The following MEF2A variants were observed in gnomAD, a reference collection of about 807,000 sequenced individuals.
MEF2A encodes myocyte-specific enhancer factor 2A.
MEF2A carries 28 observed loss-of-function variants against 55.8 expected under a neutral mutation model. The ratio of observed to expected loss-of-function variants is 0.50; its 90% CI spans 0.37 to 0.69. The LOEUF is 0.69. Ranked by LOEUF, MEF2A falls within the 30% of genes least tolerant of loss-of-function variation. The probability of loss-of-function intolerance (pLI) is 0.00; values close to 1 mark genes in which losing one functional copy is unlikely to be tolerated. For synonymous variants in MEF2A, 239 were observed against 227.1 expected (o/e 1.05, Z -0.47); for missense variants, 528 against 626.2 (o/e 0.84, Z 1.67).
chr15:99,683,590 A>G (rs553162361), intron 7 of MEF2A, among the ~76,000 whole-genome samples: 2 of 150,592 alleles, frequency 1.3e-5, no homozygotes, highest in East Asian at 3.9e-4. Context: ...ATTTTTTTTT[A>G]GTGGGGTTTC....
chr15:99,629,468 G>A (rs2042582630), intron 2 of MEF2A, among the ~76,000 whole-genome samples: 1 of 152,118 alleles, frequency 6.6e-6, no homozygotes, highest in South Asian at 2.1e-4. Flanking sequence ...AATCCCGGTT[G>A]GCTAAACATT....
At chr15:99,661,255 A>G (rs1383252434) in intron 4 of MEF2A, among the ~76,000 whole-genome samples, 1 of 152,168 alleles carries the variant, frequency 6.6e-6, no homozygotes, top group Non-Finnish European at 1.5e-5. Context: ...AAAAGGCAAA[A>G]TTATAAAGCT....
intron 2 of MEF2A, among the ~76,000 whole-genome samples, chr15:99,603,165 T>A (rs1209409926): frequency 6.6e-6 from 1 of 152,134 alleles, no homozygotes; most frequent in Non-Finnish European, 1.5e-5. Context: ...TTACATGGAG[T>A]TCAGAGTATT....
chr15:99,624,063 C>T (rs1242062464), intron 2 of MEF2A, among the ~76,000 whole-genome samples: 1 of 152,188 alleles, frequency 6.6e-6, no homozygotes, highest in African/African-American at 2.4e-5. Flanking sequence ...ACCTCGACCT[C>T]CCAAAGCGTT....
At chr15:99,667,290 C>G (rs543848454) in intron 4 of MEF2A, among the ~76,000 whole-genome samples, 1 of 152,160 alleles carries the variant, frequency 6.6e-6, no homozygotes, top group South Asian at 2.1e-4. Context: ...GGCACGATCT[C>G]GCTCACTGCA....
At chr15:99,646,804 G>A (rs2046037071) in intron 4 of MEF2A, among the ~76,000 whole-genome samples, 1 of 151,846 alleles carries the variant, frequency 6.6e-6, no homozygotes, top group African/African-American at 2.4e-5. Flanking sequence ...CCCTCTTCAG[G>A]CAGTGATTGA....
Position 99,593,793 on chromosome 15 carries a change from G to A in MEF2A, c.-224-4637G>A, listed in dbSNP as rs573185931. Reference sequence around the variant, plus strand: ...ATTGGAAGCTGAGTTAAGTTGTACCGTGGTATAAAACATGATATTCAACAT... The same window carrying A: ...ATTGGAAGCTGAGTTAAGTTGTACCATGGTATAAAACATGATATTCAACAT... On this transcript the variant is annotated intron_variant, in intron 1 of 11. Coordinates refer to ENST00000557942, the MANE Select transcript of MEF2A (RefSeq NM_001319206.4). 2.1e-4 allele frequency among the ~76,000 whole-genome samples: 32 copies of A among 152,226 alleles called. No individual in the cohort carries two copies. The South Asian group carries it at 3.1e-3, about 15-fold the overall frequency.
intron 8 of MEF2A, among the ~76,000 whole-genome samples, chr15:99,691,210 G>A (rs187079705): frequency 9.9e-5 from 15 of 151,606 alleles, no homozygotes; most frequent in African/African-American, 3.6e-4. Flanking sequence ...AGGGAGGGGG[G>A]ATTCAAACAA....
At chr15:99,592,843 A>T (rs1451489255) in intron 1 of MEF2A, among the ~76,000 whole-genome samples, 17 of 152,148 alleles carry the variant, frequency 1.1e-4, no homozygotes, top group Admixed American at 1.1e-3. Flanking sequence ...CACCTCCAAC[A>T]TTAGGGGTTA....
chr15:99,636,530 A>G (rs1482380439), intron 3 of MEF2A, among the ~76,000 whole-genome samples: 1 of 152,072 alleles, frequency 6.6e-6, no homozygotes, highest in Admixed American at 6.6e-5. Context: ...ATTTTTTTGT[A>G]GAGATGGTGT....
chr15:99,702,894 AACAT>A (rs1785921424), intron 8 of MEF2A, among the ~76,000 whole-genome samples: 2 of 152,250 alleles, frequency 1.3e-5, no homozygotes, highest in Admixed American at 6.5e-5. Flanking sequence ...CGGGAAATAA[AACAT>A]ACAGCAGTTT....
intron 3 of MEF2A, among the ~76,000 whole-genome samples, chr15:99,638,454 T>A (rs1033117999): frequency 6.6e-6 from 1 of 152,148 alleles, no homozygotes; most frequent in African/African-American, 2.4e-5. Context: ...CATACATTTC[T>A]TATGTATTTT....
chr15:99,637,791 T>C (rs1347726917), intron 3 of MEF2A, among the ~76,000 whole-genome samples: 1 of 152,150 alleles, frequency 6.6e-6, no homozygotes, highest in Non-Finnish European at 1.5e-5. Context: ...TACAGGCGCC[T>C]GCCACCACGC....
At chr15:99,670,420 A>G (rs1217043088) in intron 4 of MEF2A, among the ~76,000 whole-genome samples, 1 of 152,138 alleles carries the variant, frequency 6.6e-6, no homozygotes, top group Non-Finnish European at 1.5e-5. Flanking sequence ...CATCCTGGCT[A>G]ACATGGTGAA....
chr15:99,601,747 G>T (rs540888509), intron 2 of MEF2A, among the ~76,000 whole-genome samples: 10 of 151,508 alleles, frequency 6.6e-5, no homozygotes, highest in Admixed American at 3.3e-4. Flanking sequence ...CTAAAATTGC[G>T]TTGACTCTTT....
intron 10 of MEF2A, among the ~76,000 whole-genome samples, chr15:99,709,739 A>G (rs922199739): frequency 6.6e-6 from 1 of 152,234 alleles, no homozygotes; most frequent in Non-Finnish European, 1.5e-5. Context: ...TGTGAGTGAT[A>G]ACTAACGTCC....
intron 1 of MEF2A, among the ~76,000 whole-genome samples, chr15:99,593,867 C>G (rs937234213): frequency 6.6e-6 from 1 of 152,072 alleles, no homozygotes; most frequent in Non-Finnish European, 1.5e-5. Flanking sequence ...TTCAGGAGTA[C>G]CTTCTATTAA....
intron 2 of MEF2A, among the ~76,000 whole-genome samples, chr15:99,621,491 A>G (rs2041164653): frequency 6.6e-6 from 1 of 152,192 alleles, no homozygotes; most frequent in Admixed American, 6.5e-5. Flanking sequence ...TAAAAACTTT[A>G]TATCTACAGG....
chr15:99,687,093 T>C (rs867885934), intron 7 of MEF2A, among the ~76,000 whole-genome samples: 24 of 139,396 alleles, frequency 1.7e-4, no homozygotes, highest in South Asian at 7.2e-4. Flanking sequence ...TCTTTTTTTT[T>C]TTTTTTTTTT....
Sources: gnomAD v4.1 joint callset for allele counts (sites outside exome capture counted in the v4.1 genomes callset) on GRCh38, gnomAD v4.1.1 for gene constraint, MANE v1.5 for transcripts, NCBI Gene and HGNC (gene_info 2026-07-23, HGNC 2026-07-21) for gene names.